The following CARMIL1 variants were observed in gnomAD, a reference collection of about 807,000 sequenced individuals.
CARMIL1 encodes the protein F-actin-uncapping protein LRRC16A.
In CARMIL1, 90 loss-of-function variants were observed where a neutral mutation model predicts 177.1. The observed-to-expected ratio is 0.51, with a 90% CI of 0.43 to 0.61. The LOEUF is 0.61. Among genes scored for constraint, CARMIL1 ranks in the 20% least tolerant of loss-of-function variants. The pLI, the probability that CARMIL1 is intolerant of heterozygous loss-of-function variation, is 0.00. For synonymous variants in CARMIL1, 577 were observed against 606.2 expected, an observed-to-expected ratio of 0.95 and a Z score of 0.71; for missense variants, 1,380 against 1,667.0, an observed-to-expected ratio of 0.83 and a Z score of 3.00.
At chr6:25,473,185 A>C (rs384340) in intron 11 of CARMIL1, among the ~76,000 whole-genome samples, 1 of 151,812 alleles carries the variant, frequency 6.6e-6, no homozygotes. Context: ...TAAACAGTTC[A>C]CCTGACTGCA....
chr6:25,312,748 T>C (rs960062063), intron 2 of CARMIL1, among the ~76,000 whole-genome samples: 4 of 151,598 alleles, frequency 2.6e-5, no homozygotes, highest in African/African-American at 9.7e-5. Context: ...CAGATTACTT[T>C]TGTCTTTTTT....
intron 2 of CARMIL1, among the ~76,000 whole-genome samples, chr6:25,357,781 C>T (rs917814020): frequency 6.6e-6 from 1 of 152,056 alleles, no homozygotes; most frequent in Non-Finnish European, 1.5e-5. Context: ...TTAAAAGTGC[C>T]TTTTCAGCAA....
chr6:25,340,991 A>G (rs1006557720), intron 2 of CARMIL1, among the ~76,000 whole-genome samples: 2 of 152,096 alleles, frequency 1.3e-5, no homozygotes, highest in African/African-American at 4.8e-5. Context: ...TCTTAAAAGG[A>G]AGCACACACA....
chr6:25,380,950 T>A (rs1256159936), intron 2 of CARMIL1, among the ~76,000 whole-genome samples: 1 of 152,218 alleles, frequency 6.6e-6, no homozygotes, highest in Non-Finnish European at 1.5e-5. Flanking sequence ...TTTTTTTCTC[T>A]TTCTACTATA....
chr6:25,524,002 T>A (rs1806842838), intron 23 of CARMIL1, among the ~76,000 whole-genome samples: 1 of 152,194 alleles, frequency 6.6e-6, no homozygotes, highest in Non-Finnish European at 1.5e-5. Flanking sequence ...CAGTAAAGAT[T>A]GGAGAAAAAT....
intron 2 of CARMIL1, among the ~76,000 whole-genome samples, chr6:25,383,362 A>G (rs558775456): frequency 6.6e-6 from 1 of 152,342 alleles, no homozygotes; most frequent in African/African-American, 2.4e-5. Context: ...CAAAAATAAT[A>G]TATTTTAAAG....
At chr6:25,350,186 G>GA (rs1787976593) in intron 2 of CARMIL1, among the ~76,000 whole-genome samples, 2 of 152,290 alleles carry the variant, frequency 1.3e-5, no homozygotes, top group South Asian at 4.2e-4. Context: ...GATGATAGCT[G>GA]AAAGAGGATG....
chr6:25,373,317 T>C (rs754659610), intron 2 of CARMIL1, among the ~76,000 whole-genome samples: 2 of 151,800 alleles, frequency 1.3e-5, no homozygotes, highest in Non-Finnish European at 2.9e-5. Context: ...CCTTTTGGAA[T>C]AGTTTCAGCA....
At chr6:25,298,863 T>C (rs1782636611) in intron 2 of CARMIL1, among the ~76,000 whole-genome samples, 1 of 151,848 alleles carries the variant, frequency 6.6e-6, no homozygotes, top group African/African-American at 2.4e-5. Flanking sequence ...CAAGCGATTC[T>C]CCTGCTTCAA....
At chr6:25,450,825 C>T (rs1798768898) in intron 8 of CARMIL1, 114 bp downstream of exon 8, 2 of 404,278 alleles carry the variant, frequency 4.9e-6, no homozygotes, top group East Asian at 7.4e-5. Context: ...CTCCCCTTCC[C>T]TCCCCTTCCC....
At chr6:25,390,321 T>TA (rs1491117122) in intron 2 of CARMIL1, among the ~76,000 whole-genome samples, 2,328 of 36,556 alleles carry the variant, frequency 0.064, 12 homozygotes, top group Admixed American at 0.093. Context: ...TATATATATA[T>TA]TTTTTTTTTT....
At chr6:25,413,737 G>T (rs894963809) in intron 2 of CARMIL1, among the ~76,000 whole-genome samples, 1 of 152,142 alleles carries the variant, frequency 6.6e-6, no homozygotes, top group Non-Finnish European at 1.5e-5. Flanking sequence ...CAGGGGAGGT[G>T]GGAGGGAAGT....
Position 25,619,650 on chromosome 6 carries a change from A to T in CARMIL1, c.*67A>T. On this transcript the variant is annotated 3_prime_UTR_variant, in exon 37 of 37. Coordinates refer to ENST00000329474, the MANE Select transcript of CARMIL1 (RefSeq NM_017640.6). ...TAGCCATCAGAGAGGAACCAAGGGCAACATCTTTTCTTCCCAGGCGTTCTT... is the reference window on the plus strand; with the variant it reads ...TAGCCATCAGAGAGGAACCAAGGGCTACATCTTTTCTTCCCAGGCGTTCTT... 6.7e-7 allele frequency: 1 copy of T among 1,494,392 alleles called. No homozygotes were observed. The highest frequency in any genetic ancestry group is 8.9e-7 in the Non-Finnish European group (1 of 1,119,642). 92.6% of individuals were successfully genotyped at this position (1,494,392 alleles called of 1,614,324 possible). A position where few individuals can be genotyped will look rare whatever the true frequency, so the allele number is the denominator to read the frequency against.
At chr6:25,535,837 T>C (rs1364369313) in intron 24 of CARMIL1, among the ~76,000 whole-genome samples, 3 of 152,260 alleles carry the variant, frequency 2.0e-5, no homozygotes, top group African/African-American at 7.2e-5. Context: ...TTGAGCTCTT[T>C]CATGGTAAAG....
intron 31 of CARMIL1, among the ~76,000 whole-genome samples, chr6:25,585,648 A>C (rs962605428): frequency 7.2e-5 from 11 of 152,154 alleles, no homozygotes; most frequent in Non-Finnish European, 1.5e-4. Flanking sequence ...TCAGCAGATA[A>C]ATATGTGAAC....
intron 5 of CARMIL1, among the ~76,000 whole-genome samples, chr6:25,440,217 G>A (rs11967455): frequency 0.012 from 1,892 of 152,300 alleles, 50 homozygotes; most frequent in African/African-American, 0.043. Context: ...GAGGTAACCT[G>A]AAGCAGATGA....
At chr6:25,293,649 G>T (rs550946149) in intron 2 of CARMIL1, among the ~76,000 whole-genome samples, 2 of 151,874 alleles carry the variant, frequency 1.3e-5, no homozygotes, top group Non-Finnish European at 2.9e-5. Context: ...CAAGTAGTGG[G>T]GTTACATATG....
intron 2 of CARMIL1, among the ~76,000 whole-genome samples, chr6:25,397,897 G>T (rs570354237): frequency 6.6e-6 from 1 of 152,206 alleles, no homozygotes; most frequent in South Asian, 2.1e-4. Flanking sequence ...ATACATTTAG[G>T]TTTATTTTCA....
intron 2 of CARMIL1, among the ~76,000 whole-genome samples, chr6:25,397,149 C>T (rs1430563497): frequency 6.6e-6 from 1 of 152,182 alleles, no homozygotes; most frequent in African/African-American, 2.4e-5. Flanking sequence ...GGCATATTTA[C>T]AGCTAAGTGC....
Sources: allele counts gnomAD v4.1 joint callset (sites outside exome capture counted in the v4.1 genomes callset), GRCh38; gene constraint gnomAD v4.1.1; transcripts MANE v1.5; gene names NCBI Gene and HGNC (gene_info 2026-07-23, HGNC 2026-07-21).